The following SGCZ variants were observed in gnomAD, a reference collection of about 807,000 sequenced individuals.
SGCZ encodes the protein sarcoglycan zeta, also known as zeta-sarcoglycan.
A neutral mutation model predicts 41.3 loss-of-function variants in SGCZ; 40 were observed. The ratio of observed to expected loss-of-function variants is 0.97; its 90% CI spans 0.75 to 1.26. The LOEUF (loss-of-function observed/expected upper bound fraction) is 1.26, where lower values mean the gene tolerates loss of function less well. SGCZ is among the 50% of genes most tolerant of loss of function. SGCZ has a pLI of 0.00. For synonymous variants in SGCZ, 206 were observed against 137.5 expected, an observed-to-expected ratio of 1.50 and a Z score of -3.49; for missense variants, 552 against 369.8, an observed-to-expected ratio of 1.49 and a Z score of -4.04.
At chr8:14,333,162 A>T (rs1802396590) in intron 2 of SGCZ, among the ~76,000 whole-genome samples, 1 of 152,120 alleles carries the variant, frequency 6.6e-6, no homozygotes, top group Non-Finnish European at 1.5e-5. Context: ...TAGAAACAAC[A>T]TCCACTTTAA....
At chr8:15,196,647 T>G (rs1800742186) in intron 1 of SGCZ, among the ~76,000 whole-genome samples, 1 of 152,198 alleles carries the variant, frequency 6.6e-6, no homozygotes, top group Non-Finnish European at 1.5e-5. Flanking sequence ...TATTTATTAT[T>G]ATTATACTTT....
intron 1 of SGCZ, among the ~76,000 whole-genome samples, chr8:15,131,528 C>A: frequency 6.6e-6 from 1 of 152,188 alleles, no homozygotes; most frequent in East Asian, 1.9e-4. Context: ...CCAAATATAT[C>A]TTATGCGTAC....
chr8:14,463,060 T>C (rs1281048379), intron 2 of SGCZ, among the ~76,000 whole-genome samples: 1 of 151,802 alleles, frequency 6.6e-6, no homozygotes, highest in Non-Finnish European at 1.5e-5. Flanking sequence ...CTGAATAGGT[T>C]TATTAATCTT....
At chr8:14,776,628 G>A (rs1800410813) in intron 1 of SGCZ, among the ~76,000 whole-genome samples, 2 of 150,346 alleles carry the variant, frequency 1.3e-5, no homozygotes, top group African/African-American at 4.9e-5. Flanking sequence ...CGAGTAGCTG[G>A]GACTACAGGC....
chr8:14,714,885 G>C (rs1323490747), intron 1 of SGCZ, among the ~76,000 whole-genome samples: 18 of 151,990 alleles, frequency 1.2e-4, no homozygotes, highest in Admixed American at 1.2e-3. Flanking sequence ...TTTTTTCAGA[G>C]CTAAATTTTA....
chr8:14,920,415 G>T (rs1799556111), intron 1 of SGCZ, among the ~76,000 whole-genome samples: 1 of 152,186 alleles, frequency 6.6e-6, no homozygotes, highest in South Asian at 2.1e-4. Flanking sequence ...AAAGTTCTGA[G>T]CCACTTACAA....
intron 2 of SGCZ, among the ~76,000 whole-genome samples, chr8:14,472,350 G>A (rs1328655913): frequency 6.6e-6 from 1 of 152,066 alleles, no homozygotes; most frequent in Non-Finnish European, 1.5e-5. Context: ...GAAAGCCAGA[G>A]AGGTATTTAC....
At chr8:14,231,051 C>T (rs942522583) in intron 4 of SGCZ, among the ~76,000 whole-genome samples, 19 of 151,754 alleles carry the variant, frequency 1.3e-4, no homozygotes, top group African/African-American at 4.6e-4. Flanking sequence ...AATTAAAATG[C>T]TGAGGTTTTA....
chr8:15,172,160 T>TTTTTATTTATTTATTTA (rs754523188), intron 1 of SGCZ, among the ~76,000 whole-genome samples: 37 of 105,006 alleles, frequency 3.5e-4, no homozygotes, highest in Non-Finnish European at 5.5e-4. Flanking sequence ...CTCTGTTTTT[T>TTTTTATTTATTTATTTA]TTTTTTTTTT....
chr8:14,624,265 C>T (rs1007057588), intron 1 of SGCZ, among the ~76,000 whole-genome samples: 1 of 152,010 alleles, frequency 6.6e-6, no homozygotes, highest in East Asian at 1.9e-4. Flanking sequence ...TGTTGAAAGC[C>T]TTAGGAATCC....
intron 4 of SGCZ, among the ~76,000 whole-genome samples, chr8:14,206,407 C>G (rs1329864978): frequency 1.4e-4 from 22 of 152,112 alleles, no homozygotes; most frequent in Non-Finnish European, 1.5e-5. Context: ...AATAAATAAG[C>G]ACACACAATG....
intron 1 of SGCZ, among the ~76,000 whole-genome samples, chr8:14,959,295 A>T (rs1467268305): frequency 6.6e-6 from 1 of 152,158 alleles, no homozygotes; most frequent in Non-Finnish European, 1.5e-5. Context: ...ATACATATTC[A>T]TGATTCCTTT....
intron 1 of SGCZ, among the ~76,000 whole-genome samples, chr8:14,833,853 T>G (rs1420151911): frequency 6.6e-6 from 1 of 151,966 alleles, no homozygotes; most frequent in Admixed American, 6.6e-5. Flanking sequence ...TTAAATCAAC[T>G]GAAAATAAAT....
chr8:14,493,098 C>G (rs962824077), intron 2 of SGCZ, among the ~76,000 whole-genome samples: 5 of 152,046 alleles, frequency 3.3e-5, no homozygotes, highest in African/African-American at 9.7e-5. Context: ...ACTCAAAATG[C>G]AAATACAATT....
intron 2 of SGCZ, among the ~76,000 whole-genome samples, chr8:14,554,466 T>G (rs1803968447): frequency 6.6e-6 from 1 of 152,062 alleles, no homozygotes; most frequent in Non-Finnish European, 1.5e-5. Context: ...GGTTAAATGT[T>G]CTTGAAATGT....
intron 2 of SGCZ, among the ~76,000 whole-genome samples, chr8:14,379,161 T>C (rs1279557742): frequency 1.3e-5 from 2 of 152,140 alleles, no homozygotes; most frequent in Non-Finnish European, 2.9e-5. Context: ...GAATCTTAAC[T>C]GCAAAAGAAA....
rs377662461 is a variant in SGCZ at position 14,547,172 on chromosome 8, T to C, written c.234+7560A>G. On this transcript the variant is annotated intron_variant, in intron 2 of 7. Coordinates refer to ENST00000382080, the MANE Select transcript of SGCZ (RefSeq NM_139167.4). ...TTAATCAGGTAATAATTTGACACTC[T>C]GTTCATTAAAGAAACTCAGCATATT... Among the ~76,000 whole-genome samples the C allele has an allele frequency of 5.9e-5, 9 of 152,326 alleles. No individual in the cohort carries two copies. The East Asian group carries it at 1.7e-3, about 29-fold the overall frequency.
chr8:15,111,334 C>G lies in SGCZ; in HGVS notation c.39+126251G>C, dbSNP rs1398001362. ...ACCCTCTCCCGCTTCCACTATATCT[C>G]AGATGAAGAGGGAAAGTGCCTCGGA... On this transcript the variant is annotated intron_variant, in intron 1 of 7. Coordinates refer to ENST00000382080, the MANE Select transcript of SGCZ (RefSeq NM_139167.4). 3.3e-5 allele frequency among the ~76,000 whole-genome samples: 5 copies of G among 152,250 alleles called. No homozygotes were observed. In the East Asian group the frequency reaches 9.7e-4, roughly 30 times the overall value.
At chr8:14,316,011 T>G (rs764705703) in intron 3 of SGCZ, among the ~76,000 whole-genome samples, 8 of 151,924 alleles carry the variant, frequency 5.3e-5, no homozygotes, top group Non-Finnish European at 1.2e-4. Context: ...TTTAGAATAT[T>G]AGAGAACAAT....
Sources: allele counts gnomAD v4.1 joint callset (sites outside exome capture counted in the v4.1 genomes callset), GRCh38; gene constraint gnomAD v4.1.1; transcripts MANE v1.5; gene names NCBI Gene and HGNC (gene_info 2026-07-23, HGNC 2026-07-21).